The following ANKRD13B variants were observed in gnomAD, a reference collection of about 807,000 sequenced individuals.
The protein encoded by ANKRD13B is ankyrin repeat domain-containing protein 13B.
In ANKRD13B, 33 loss-of-function variants were observed where a neutral mutation model predicts 74.4. The observed-to-expected ratio is 0.44, with a 90% CI of 0.34 to 0.59. The LOEUF (loss-of-function observed/expected upper bound fraction) is 0.59. Ranked by LOEUF, ANKRD13B falls within the 20% of genes least tolerant of loss-of-function variation. The pLI, the probability that ANKRD13B is intolerant of heterozygous loss-of-function variation, is 0.02. For synonymous variants in ANKRD13B, 341 were observed against 362.9 expected, an observed-to-expected ratio of 0.94 and a Z score of 0.68; for missense variants, 676 against 877.9, an observed-to-expected ratio of 0.77 and a Z score of 2.91.
At position 29,593,617 on chromosome 17, in the gene ANKRD13B, G is replaced by A. The variant is rs1243008958; in HGVS notation, c.-5G>A. 2 of 1,342,358 alleles carry A rather than the reference G, an allele frequency of 1.5e-6. No homozygotes were observed. The highest frequency in any genetic ancestry group is 5.6e-5 in the Admixed American group (2 of 35,954). The allele number at this position is 1,342,358 out of a possible 1,614,324, so 83.2% of individuals were successfully genotyped here. ...GCGCCGCGGCCCCGGCATGAGGAGC[G>A]GGCGATGATCCCCGCCAACGCCTCC... On this transcript the variant is annotated 5_prime_UTR_variant, in exon 1 of 15. Transcript: ENST00000394859.
chr17:29,594,595 C>T (rs2033887345), intron 1 of ANKRD13B, among the ~76,000 whole-genome samples: 1 of 152,230 alleles, frequency 6.6e-6, no homozygotes, highest in Non-Finnish European at 1.5e-5. Flanking sequence ...ATTGCCACTT[C>T]TGCCCTTGGC....
At chr17:29,607,933 C>A in intron 2 of ANKRD13B, 53 bp from the exon 3 acceptor site, 1 of 1,579,384 alleles carries the variant, frequency 6.3e-7, no homozygotes, top group Non-Finnish European at 8.6e-7. Context: ...GCATCATAGA[C>A]CTATGGTTGG....
At position 29,609,121 on chromosome 17, in the gene ANKRD13B, C is replaced by A. The variant is rs937104091; in HGVS notation, c.601C>A (p.Arg201Ser). The A allele has an allele frequency of 6.2e-7, 1 of 1,611,420 alleles. No individual in the cohort carries two copies. The highest frequency in any genetic ancestry group is 2.2e-5 in the East Asian group (1 of 44,884). Reference protein sequence around the residue: ...SAVVMEIDHDRRVVYTETLAL... With the variant: ...SAVVMEIDHDSRVVYTETLAL... ...CGTGGTCATGGAGATTGACCACGAC[C>A]GCCGGGTGGTGTACACAGAGACTCT... Residue 201 changes from arginine (R) to serine (S), a missense_variant, in exon 6 of 15, where the codon CGC becomes AGC. Coordinates refer to ENST00000394859, the MANE Select transcript of ANKRD13B (RefSeq NM_152345.5). The surrounding 1 kb of genome is among the most constrained non-coding windows in gnomAD (Gnocchi z 4.0).
intron 1 of ANKRD13B, among the ~76,000 whole-genome samples, chr17:29,600,903 G>A (rs2034149736): frequency 6.8e-6 from 1 of 147,482 alleles, no homozygotes; most frequent in African/African-American, 2.5e-5. Flanking sequence ...ATTCTTGTGG[G>A]TTTTAAATAT....
In ANKRD13B at chr17:29,593,669, T is replaced by C. The variant is rs772034182; in HGVS notation, c.48T>C (p.Tyr16=). 21 of 1,433,192 alleles carry C rather than the reference T, an allele frequency of 1.5e-5. No homozygotes were observed. The highest frequency in any genetic ancestry group is 1.0e-4 in the Admixed American group (4 of 39,610). The allele number at this position is 1,433,192 out of a possible 1,614,324, so 88.8% of individuals were successfully genotyped here. A position where few individuals can be genotyped will look rare whatever the true frequency, so the allele number is the denominator to read the frequency against. The part of the protein sequence containing the change: ...ASARKGPEGK[Y]PLHYLVWHNR... ...CCAGGAAGGGGCCCGAGGGCAAGTA[T>C]CCGCTGCACTACCTCGTGTGGCACA... Residue 16 remains tyrosine, a synonymous_variant, in exon 1 of 15, where the codon TAT becomes TAC. Coordinates refer to ENST00000394859, the MANE Select transcript of ANKRD13B (RefSeq NM_152345.5).
intron 1 of ANKRD13B, among the ~76,000 whole-genome samples, chr17:29,599,756 T>C (rs1427979953): frequency 6.6e-6 from 1 of 151,872 alleles, no homozygotes; most frequent in Non-Finnish European, 1.5e-5. Flanking sequence ...ATGAATTCAA[T>C]GATCTTTTTA....
chr17:29,604,716 T>C (rs915125469), intron 1 of ANKRD13B, among the ~76,000 whole-genome samples: 1 of 151,754 alleles, frequency 6.6e-6, no homozygotes, highest in Non-Finnish European at 1.5e-5. Context: ...TAATTTTTTG[T>C]ATTTTTAGTA....
rs377281777 is a variant in ANKRD13B, at chr17:29,609,163, G to T, written c.643G>T (p.Asp215Tyr). 3.7e-6 allele frequency: 6 copies of T among 1,612,310 alleles called. No homozygotes were observed. The highest frequency in any genetic ancestry group is 5.1e-6 in the Non-Finnish European group (6 of 1,180,052). The change falls in exon 6 of 15, where the codon GAC (aspartate) becomes TAC (tyrosine). Residue 215 changes from aspartate to tyrosine, a missense_variant. This residue lies in a region of ANKRD13B where 328 missense variants were observed against 518.4 expected (regional missense o/e 0.63). Coordinates refer to ENST00000394859, the MANE Select transcript of ANKRD13B (RefSeq NM_152345.5). The surrounding 1 kb of genome is among the most constrained non-coding windows in gnomAD (Gnocchi z 4.0). ...YTETLALAGQ[D>Y]RELLLAAAQP... ...AGAGACTCTGGCACTGGCTGGGCAG[G>T]ACCGGGAGCTGCTGCTGGCTGCTGC... is the stretch of plus-strand genomic sequence containing the variant.
At chr17:29,595,904 T>C (rs1203750044) in intron 1 of ANKRD13B, among the ~76,000 whole-genome samples, 1 of 152,106 alleles carries the variant, frequency 6.6e-6, no homozygotes, top group East Asian at 1.9e-4. Flanking sequence ...GAGTGAGGCT[T>C]GTATCCAGAT....
Position 29,608,744 on chromosome 17 carries a change from C to G in ANKRD13B, c.422-107C>G. On this transcript the variant is annotated intron_variant, in intron 4 of 14. Transcript: ENST00000394859. This position sits in a 1 kb window ranked among gnomAD's most constrained non-coding sequence, Gnocchi z 6.4. ...AGGAGAGGCTGCTCTCTCTTCAGTT[C>G]CCTCCCCTGTTCCTGGCCACACGGA... is the stretch of plus-strand genomic sequence containing the variant. The G allele has an allele frequency of 6.9e-7, 1 of 1,449,274 alleles. No homozygotes were observed. Among genetic ancestry groups the G allele is most frequent in the East Asian group, 2.4e-5 (1 of 41,214 alleles). The allele number at this position is 1,449,274 out of a possible 1,614,324, so 89.8% of individuals were successfully genotyped here. A position where few individuals can be genotyped will look rare whatever the true frequency, so the allele number is the denominator to read the frequency against.
In ANKRD13B at chr17:29,610,702, C is replaced by T. The variant is rs1321064895; in HGVS notation, c.840C>T (p.Asn280=). The change falls in exon 8 of 15, where the codon AAC becomes AAT. Residue 280 remains asparagine (N), a synonymous_variant. Coordinates refer to ENST00000394859, the MANE Select transcript of ANKRD13B (RefSeq NM_152345.5). Reference sequence around the variant, plus strand: ...GTCCCCAGGTGTATGGGGCATCTAACGTGGAGCTCATCACCCGCACACGGA... The same window carrying T: ...GTCCCCAGGTGTATGGGGCATCTAATGTGGAGCTCATCACCCGCACACGGA... ...GYEAKVYGAS[N]VELITRTRTE... is the part of the protein sequence containing the mutation. 6.8e-6 allele frequency: 11 copies of T among 1,613,840 alleles called. No homozygotes were observed. Among genetic ancestry groups the T allele is most frequent in the East Asian group, 2.2e-5 (1 of 44,892 alleles).
At chr17:29,603,760 C>T (rs1228684111) in intron 1 of ANKRD13B, among the ~76,000 whole-genome samples, 1 of 151,964 alleles carries the variant, frequency 6.6e-6, no homozygotes, top group Admixed American at 6.6e-5. Context: ...TCATGAACAT[C>T]TTTTTCATGT....
At chr17:29,601,473 C>T (rs139540682) in intron 1 of ANKRD13B, among the ~76,000 whole-genome samples, 4,109 of 152,222 alleles carry the variant, frequency 0.027, 198 homozygotes, top group African/African-American at 0.091. Context: ...CTGCCCGCCT[C>T]GGCCTCCCAA....
Position 29,608,845 on chromosome 17 carries a change from C to T in ANKRD13B, c.422-6C>T. The T allele has an allele frequency of 6.2e-7, 1 of 1,614,090 alleles. No individual in the cohort carries two copies. The highest frequency in any genetic ancestry group is 1.1e-5 in the South Asian group (1 of 91,082). On this transcript the variant is annotated splice_region_variant and splice_polypyrimidine_tract_variant and intron_variant, in intron 4 of 14. Transcript: ENST00000394859. The surrounding 1 kb of genome is among the most constrained non-coding windows in gnomAD (Gnocchi z 6.4). Reference sequence around the variant, plus strand: ...CAAAGCCACCTCCAACCTCCGCTTCCACCAGTGCCCCTGGTGTCCAAGATC... The same window carrying T: ...CAAAGCCACCTCCAACCTCCGCTTCTACCAGTGCCCCTGGTGTCCAAGATC...
rs952870046 is a variant in ANKRD13B, at chr17:29,609,988, C to T, written c.822+567C>T. Among the ~76,000 whole-genome samples, 2 of 152,006 alleles carry T rather than the reference C, an allele frequency of 1.3e-5. No homozygotes were observed. Among genetic ancestry groups the T allele is most frequent in the Admixed American group, 6.6e-5 (1 of 15,266 alleles). On this transcript the variant is annotated intron_variant, in intron 7 of 14. Coordinates refer to ENST00000394859, the MANE Select transcript of ANKRD13B (RefSeq NM_152345.5). This position sits in a 1 kb window ranked among gnomAD's most constrained non-coding sequence, Gnocchi z 4.0. ...GTGAGCGGATCACCTGAGGTCAGTT[C>T]GAGACCAGCCTGGCTAACATGGTGA...
At position 29,613,359 on chromosome 17, in the gene ANKRD13B, C is replaced by T; in HGVS notation, c.1658C>T (p.Ala553Val). Residue 553 changes from alanine (A) to valine (V), a missense_variant, in exon 15 of 15, where the codon GCC (alanine) becomes GTC (valine). By Grantham distance (64) the Ala-to-Val change is moderately conservative (BLOSUM62 0). Transcript: ENST00000394859. ...CATTCCTTCCCCACCCCCAGGAGCG[C>T]CCCGCCCACGCCGCAGCGCCAGCCT... ...SYEGRRQDRS[A>V]PPTPQRQPAP... 2.1e-6 allele frequency: 3 copies of T among 1,459,702 alleles called. No homozygotes were observed. Among genetic ancestry groups the T allele is most frequent in the Non-Finnish European group, 2.7e-6 (3 of 1,114,024 alleles). The allele number at this position is 1,459,702 out of a possible 1,614,324, so 90.4% of individuals were successfully genotyped here.
At chr17:29,599,865 G>GTTGTTTTTTTTTTTTTT (rs2034090930) in intron 1 of ANKRD13B, among the ~76,000 whole-genome samples, 3 of 50,772 alleles carry the variant, frequency 5.9e-5, no homozygotes, top group African/African-American at 2.2e-4. Context: ...CATCTAATTT[G>GTTGTTTTTTTTTTTTTT]TTTTTTTTTT....
Position 29,609,374 on chromosome 17 carries a change from G to A in ANKRD13B, c.775G>A (p.Gly259Ser). The change falls in exon 7 of 15, where the codon GGC becomes AGC. Residue 259 changes from glycine (G) to serine (S), a missense_variant. Physicochemically the swap from Gly to Ser is moderately conservative, Grantham distance 56. Coordinates refer to ENST00000394859, the MANE Select transcript of ANKRD13B (RefSeq NM_152345.5). The surrounding 1 kb of genome is among the most constrained non-coding windows in gnomAD (Gnocchi z 4.0). Reference protein sequence around the residue: ...SFERNKTGILGWRSEKTEMVN... With the variant: ...SFERNKTGILSWRSEKTEMVN... The stretch of plus-strand genomic sequence containing the variant: ...CCCCAGGAACAAGACTGGCATCCTG[G>A]GCTGGCGCAGTGAAAAGACGGAGAT... The A allele has an allele frequency of 6.2e-7, 1 of 1,613,550 alleles. No individual in the cohort carries two copies. The highest frequency in any genetic ancestry group is 8.5e-7 in the Non-Finnish European group (1 of 1,180,024).
At chr17:29,598,498 C>T (rs1201690708) in intron 1 of ANKRD13B, among the ~76,000 whole-genome samples, 3 of 147,194 alleles carry the variant, frequency 2.0e-5, no homozygotes, top group Admixed American at 6.8e-5. Flanking sequence ...TCCCCTTCTC[C>T]CTCCCTCCCT....
Sources: gnomAD v4.1 joint callset for allele counts (sites outside exome capture counted in the v4.1 genomes callset) on GRCh38, gnomAD v4.1.1 for gene constraint, gnomAD v4.1.1 regional missense constraint, Gnocchi (gnomAD v3.1) non-coding constraint, MANE v1.5 for transcripts, NCBI Gene and HGNC (gene_info 2026-07-23, HGNC 2026-07-21) for gene names.